NUGGC: variants seen among roughly 807,000 people sequenced by gnomAD.
The protein encoded by NUGGC is nuclear GTPase, germinal center associated.
Under a neutral mutation model 92.6 loss-of-function variants are expected in NUGGC, and 58 were observed. That is an observed-to-expected ratio of 0.63 (90% CI 0.51 to 0.78). The LOEUF (loss-of-function observed/expected upper bound fraction) is 0.78. NUGGC is among the 30% of genes least tolerant of loss of function. The pLI, the probability that NUGGC is intolerant of heterozygous loss-of-function variation, is 0.00. For synonymous variants in NUGGC, 376 were observed against 366.4 expected (o/e 1.03, Z -0.30); for missense variants, 925 against 964.6 (o/e 0.96, Z 0.54).
In NUGGC at chr8:28,060,538, C is replaced by T. The variant is rs192542333; in HGVS notation, c.985G>A (p.Ala329Thr). 1.2e-3 allele frequency: 1,903 copies of T among 1,613,778 alleles called. 25 individuals are homozygous for T. The African/African-American group carries it at 0.02, about 17-fold the overall frequency. Residue 329 changes from alanine to threonine, a missense_variant, in exon 8 of 19, where the codon GCC becomes ACC. By Grantham distance (58) the Ala-to-Thr change is moderately conservative. Transcript: ENST00000413272. The part of the protein sequence containing the change: ...SDIERVSGGQ[A>T]HEDLLNESIK... ...CTCTCATTCAGAAGGTCTTCGTGGG[C>T]TTGCCCCCCAGAAACTCGCTCTATG...
Position 28,032,719 on chromosome 8 carries a change from T to C in NUGGC, c.1769+821A>G, listed in dbSNP as rs1296049358. ...CTGGGCGACAGAGCGAGACTCCATC[T>C]CAAGAAAAAAAAAAAAAAAAAAGAA... On this transcript the variant is annotated intron_variant, in intron 14 of 18. Coordinates refer to ENST00000413272, the MANE Select transcript of NUGGC (RefSeq NM_001010906.2). 6.1e-5 allele frequency among the ~76,000 whole-genome samples: 7 copies of C among 114,190 alleles called. No individual in the cohort carries two copies. The Admixed American group carries it at 7.3e-4, about 12-fold the overall frequency. 74.9% of individuals were successfully genotyped at this position (114,190 alleles called of 152,430 possible). A position where few individuals can be genotyped will look rare whatever the true frequency, so the allele number is the denominator to read the frequency against.
At chr8:28,069,749 A>G (rs567740096) in intron 3 of NUGGC, 97 bp from the exon 4 acceptor site, 1 of 749,732 alleles carries the variant, frequency 1.3e-6, no homozygotes, top group South Asian at 1.5e-5. Context: ...AGAGAAGGGA[A>G]AAAAAAAATG....
intron 2 of NUGGC, among the ~76,000 whole-genome samples, chr8:28,072,437 T>C (rs1810613618): frequency 6.6e-6 from 1 of 152,154 alleles, no homozygotes; most frequent in African/African-American, 2.4e-5. Context: ...CCACAACCTG[T>C]CTGTGGAAAG....
chr8:28,071,646 C>T (rs1810593466), intron 2 of NUGGC, among the ~76,000 whole-genome samples: 1 of 152,088 alleles, frequency 6.6e-6, no homozygotes, highest in South Asian at 2.1e-4. Context: ...GCTTGTTGGG[C>T]CCATCATCCT....
At chr8:28,047,391 T>C (rs1430987031) in intron 11 of NUGGC, 116 bp downstream of exon 11, 10 of 639,658 alleles carry the variant, frequency 1.6e-5, no homozygotes, top group African/African-American at 3.7e-5. Context: ...ATTGAAACCA[T>C]GGCAAGCTGG....
intron 18 of NUGGC, among the ~76,000 whole-genome samples, chr8:28,025,464 C>T (rs1454934644): frequency 6.6e-6 from 1 of 152,144 alleles, no homozygotes; most frequent in Non-Finnish European, 1.5e-5. Context: ...GGCTGGGATG[C>T]GGGGAAGCTT....
intron 10 of NUGGC, among the ~76,000 whole-genome samples, chr8:28,051,934 C>A (rs13253013): frequency 0.33 from 49,349 of 149,700 alleles, 9,355 homozygotes; most frequent in African/African-American, 0.52. Flanking sequence ...CAAAACAAAA[C>A]AAAAACAAAA....
chr8:28,041,084 A>AGTCCTGGCG lies in NUGGC; in HGVS notation c.1569_1577dup (p.Ala524_Thr526dup). 6 of 1,606,950 alleles carry AGTCCTGGCG rather than the reference A, an allele frequency of 3.7e-6. No homozygotes were observed. Among genetic ancestry groups the AGTCCTGGCG allele is most frequent in the Non-Finnish European group, 5.1e-6 (6 of 1,176,894 alleles). ...ATGCTCTGAGGATGCAGCGGTAAGA[A>AGTCCTGGCG]GTCCTGGCGGTCCTGACCCCTTCTT... On this transcript the variant is annotated inframe_insertion, in exon 13 of 19. Coordinates refer to ENST00000413272, the MANE Select transcript of NUGGC (RefSeq NM_001010906.2).
chr8:28,027,019 T>C lies in NUGGC; in HGVS notation c.2188A>G (p.Thr730Ala). The C allele has an allele frequency of 1.9e-6, 3 of 1,613,762 alleles. No homozygotes were observed. The highest frequency in any genetic ancestry group is 2.5e-6 in the Non-Finnish European group (3 of 1,179,698). The part of the protein sequence containing the change: ...GIVEKVKGSI[T>A]TMLALASSQG... ...GACGAAGCAAGGGCCAGCATAGTGG[T>C]GATGCTGCCCTTCACCTTCTCCACG... The change falls in exon 18 of 19, where the codon ACC becomes GCC. Residue 730 changes from threonine to alanine, a missense_variant. Transcript: ENST00000413272.
At chr8:28,029,583 C>G (rs1809361439) in intron 16 of NUGGC, among the ~76,000 whole-genome samples, 181 bp from the exon 17 acceptor site, 1 of 152,056 alleles carries the variant, frequency 6.6e-6, no homozygotes, top group Non-Finnish European at 1.5e-5. Flanking sequence ...ACCCCCATCT[C>G]TACTAAAAAT....
At chr8:28,056,269 G>C (rs2130188270) in intron 9 of NUGGC, among the ~76,000 whole-genome samples, 1 of 152,166 alleles carries the variant, frequency 6.6e-6, no homozygotes, top group Middle Eastern at 3.4e-3. Context: ...ACAAGCTCAA[G>C]AGATCGAGAC....
At chr8:28,076,389 C>T (rs535962838) in intron 1 of NUGGC, among the ~76,000 whole-genome samples, 59 of 152,292 alleles carry the variant, frequency 3.9e-4, no homozygotes, top group African/African-American at 1.4e-3. Flanking sequence ...ACCTCCACCT[C>T]CTGGGTTCAA....
rs1359141909 is a variant in NUGGC, at chr8:28,023,246, G to C, written c.*71C>G. 2 of 1,497,036 alleles carry C rather than the reference G, an allele frequency of 1.3e-6. No homozygotes were observed. Among genetic ancestry groups the C allele is most frequent in the African/African-American group, 1.4e-5 (1 of 71,854 alleles). The allele number at this position is 1,497,036 out of a possible 1,614,324, so 92.7% of individuals were successfully genotyped here. A position where few individuals can be genotyped will look rare whatever the true frequency, so the allele number is the denominator to read the frequency against. ...GAGGTAGATAGATCTTGTCTCTTAA[G>C]AACAAAAAAAGTAATTCTAATTCTC... is the stretch of plus-strand genomic sequence containing the variant. On this transcript the variant is annotated 3_prime_UTR_variant, in exon 19 of 19. Transcript: ENST00000413272.
chr8:28,056,371 G>C (rs1045565374), intron 9 of NUGGC, among the ~76,000 whole-genome samples: 9 of 151,846 alleles, frequency 5.9e-5, no homozygotes, highest in African/African-American at 2.2e-4. Context: ...CCAGCTACTC[G>C]GGAGGCTGAG....
At chr8:28,077,398 A>G (rs1810748999) in intron 1 of NUGGC, among the ~76,000 whole-genome samples, 1 of 151,312 alleles carries the variant, frequency 6.6e-6, no homozygotes, top group Non-Finnish European at 1.5e-5. Flanking sequence ...CACTACCAAA[A>G]AAAAAAAAAA....
rs1332524584 is a variant in NUGGC at position 28,067,891 on chromosome 8, A to G, written c.481-147T>C. ...TCTATCTGGGGTCTCGAAGAGGGGA[A>G]TGGCTTGCCCAAAGTCTCATAAAAA... On this transcript the variant is annotated intron_variant, in intron 5 of 18. Transcript: ENST00000413272. 77 of 670,868 alleles carry G rather than the reference A, an allele frequency of 1.1e-4. No homozygotes were observed. The South Asian group carries it at 1.2e-3, about 11-fold the overall frequency. 41.6% of individuals were successfully genotyped at this position (670,868 alleles called of 1,614,324 possible). A position where few individuals can be genotyped will look rare whatever the true frequency, so the allele number is the denominator to read the frequency against.
At chr8:28,075,165 C>T (rs901312685) in intron 1 of NUGGC, among the ~76,000 whole-genome samples, 2 of 152,066 alleles carry the variant, frequency 1.3e-5, no homozygotes, top group South Asian at 2.1e-4. Flanking sequence ...TTAGATATTC[C>T]TAGAGTTCCC....
At chr8:28,032,440 G>A (rs892365002) in intron 14 of NUGGC, among the ~76,000 whole-genome samples, 14 of 152,086 alleles carry the variant, frequency 9.2e-5, no homozygotes, top group African/African-American at 2.7e-4. Flanking sequence ...GAGGTCAGCC[G>A]GGCGCGGTGG....
chr8:28,037,404 C>T (rs1450670766), intron 13 of NUGGC, among the ~76,000 whole-genome samples: 2 of 152,192 alleles, frequency 1.3e-5, no homozygotes, highest in African/African-American at 2.4e-5. Flanking sequence ...CCCTGAAATG[C>T]CTTCCCTGCC....
Sources: gnomAD v4.1 joint callset for allele counts (sites outside exome capture counted in the v4.1 genomes callset) on GRCh38, gnomAD v4.1.1 for gene constraint, MANE v1.5 for transcripts, NCBI Gene and HGNC (gene_info 2026-07-23, HGNC 2026-07-21) for gene names.